BTBD10: variants seen among roughly 807,000 people sequenced by gnomAD.
BTBD10 encodes BTB domain containing 10, also known as BTB/POZ domain-containing protein 10.
BTBD10 carries 21 observed loss-of-function variants against 53.2 expected under a neutral mutation model. The ratio of observed to expected loss-of-function variants is 0.39; its 90% CI spans 0.28 to 0.57. The LOEUF is 0.57. Ranked by LOEUF, BTBD10 falls within the 20% of genes least tolerant of loss-of-function variation. BTBD10 has a pLI of 0.53. For missense variants in BTBD10, 360 were observed against 594.7 expected (o/e 0.61, Z 4.10); for synonymous variants, 149 against 192.7 (o/e 0.77, Z 1.88).
chr11:13,412,065 A>C (rs143305491), intron 6 of BTBD10, among the ~76,000 whole-genome samples: 1 of 151,962 alleles, frequency 6.6e-6, no homozygotes, highest in African/African-American at 2.4e-5. Context: ...TCCCGACCTC[A>C]GGTGATCCGA....
At chr11:13,453,938 G>C (rs1296585318) in intron 1 of BTBD10, among the ~76,000 whole-genome samples, 1 of 152,100 alleles carries the variant, frequency 6.6e-6, no homozygotes, top group African/African-American at 2.4e-5. Context: ...TGTAATCCCA[G>C]CTACTCAGGA....
At chr11:13,395,356 T>A (rs563727086) in intron 8 of BTBD10, among the ~76,000 whole-genome samples, 1 of 152,236 alleles carries the variant, frequency 6.6e-6, no homozygotes. Flanking sequence ...GAGAAGTGTC[T>A]GTTCATATCC....
intron 6 of BTBD10, among the ~76,000 whole-genome samples, chr11:13,406,945 A>T (rs1949846303): frequency 6.6e-6 from 1 of 152,038 alleles, no homozygotes. Context: ...CTCTCTCCCC[A>T]ACTTCTGAAC....
At chr11:13,430,469 T>G (rs1313964759) in intron 2 of BTBD10, among the ~76,000 whole-genome samples, 1 of 152,162 alleles carries the variant, frequency 6.6e-6, no homozygotes, top group East Asian at 1.9e-4. Context: ...GAGAAGAGAT[T>G]GTTTCTTAAG....
At chr11:13,423,795 G>A (rs1348094434) in intron 2 of BTBD10, among the ~76,000 whole-genome samples, 1 of 151,988 alleles carries the variant, frequency 6.6e-6, no homozygotes, top group African/African-American at 2.4e-5. Flanking sequence ...CAGAATACCA[G>A]GACAGAAGAT....
At chr11:13,404,024 G>GT (rs2135769213) in intron 7 of BTBD10, among the ~76,000 whole-genome samples, 1 of 151,944 alleles carries the variant, frequency 6.6e-6, no homozygotes, top group Admixed American at 6.5e-5. Flanking sequence ...AACTGCAAAG[G>GT]TTTTTTCAAA....
chr11:13,432,676 C>A (rs1950471405), intron 2 of BTBD10, among the ~76,000 whole-genome samples: 1 of 151,558 alleles, frequency 6.6e-6, no homozygotes, highest in African/African-American at 2.4e-5. Context: ...GACAGGAATG[C>A]TGCAATTTTA....
chr11:13,459,393 A>C (rs576747150), intron 1 of BTBD10, among the ~76,000 whole-genome samples: 75 of 152,176 alleles, frequency 4.9e-4, no homozygotes, highest in African/African-American at 1.6e-3. Flanking sequence ...ACTAGGTCTC[A>C]GTTTCAAGGA....
chr11:13,421,650 T>C lies in BTBD10; in HGVS notation c.290A>G (p.His97Arg). ...TAGTTGATTTTACATACCAACATGG[T>C]GCTGTCGTGTTGGAGAAGTCACATT... ...IRNVTSPTRQ[H>R]HVEREKDHSS... Residue 97 changes from histidine (H) to arginine (R), a missense_variant, in exon 3 of 9, where the codon CAC becomes CGC. His to Arg is a conservative substitution (Grantham distance 29, BLOSUM62 0). This residue lies in a region of BTBD10 where 109 missense variants were observed against 118.6 expected (regional missense o/e 0.92). Coordinates refer to ENST00000278174, the MANE Select transcript of BTBD10 (RefSeq NM_032320.7). 2 of 1,612,340 alleles carry C rather than the reference T, an allele frequency of 1.2e-6. No individual in the cohort carries two copies. The highest frequency in any genetic ancestry group is 2.2e-5 in the South Asian group (2 of 90,982).
At chr11:13,428,342 C>A (rs1039351345) in intron 2 of BTBD10, among the ~76,000 whole-genome samples, 1 of 152,014 alleles carries the variant, frequency 6.6e-6, no homozygotes, top group African/African-American at 2.4e-5. Flanking sequence ...GCTTCACTGA[C>A]AAATTCTACC....
intron 8 of BTBD10, among the ~76,000 whole-genome samples, chr11:13,394,211 C>T (rs1422581473): frequency 1.3e-5 from 2 of 152,286 alleles, no homozygotes; most frequent in East Asian, 1.9e-4. Flanking sequence ...TGGTTTGGCT[C>T]TGTGTTCCCA....
chr11:13,412,012 G>T (rs1211083794), intron 6 of BTBD10, among the ~76,000 whole-genome samples: 2 of 151,978 alleles, frequency 1.3e-5, no homozygotes, highest in Non-Finnish European at 1.5e-5. Flanking sequence ...TGTATTTTTA[G>T]TAGAGAAGAG....
At chr11:13,395,221 T>TTAAAA (rs960383290) in intron 8 of BTBD10, among the ~76,000 whole-genome samples, 13 of 151,668 alleles carry the variant, frequency 8.6e-5, no homozygotes, top group African/African-American at 3.1e-4. Flanking sequence ...CCTGACTTTT[T>TTAAAA]AATGATTGCC....
intron 2 of BTBD10, among the ~76,000 whole-genome samples, chr11:13,423,498 G>A (rs1289599192): frequency 6.6e-6 from 1 of 152,202 alleles, no homozygotes; most frequent in Non-Finnish European, 1.5e-5. Context: ...AGATGAGGAT[G>A]TTAAAGTTCA....
intron 1 of BTBD10, among the ~76,000 whole-genome samples, chr11:13,449,150 A>G (rs542718820): frequency 6.6e-6 from 1 of 152,202 alleles, no homozygotes; most frequent in East Asian, 1.9e-4. Flanking sequence ...AATCTTCAAG[A>G]CTATAGTAAC....
intron 8 of BTBD10, among the ~76,000 whole-genome samples, chr11:13,389,426 T>C (rs1036542626): frequency 8.9e-6 from 1 of 111,846 alleles, no homozygotes; most frequent in African/African-American, 3.1e-5. Flanking sequence ...GGTCTCTAGC[T>C]ATGTATCCTT....
chr11:13,402,343 T>C (rs954398983), intron 8 of BTBD10, among the ~76,000 whole-genome samples: 3 of 152,216 alleles, frequency 2.0e-5, no homozygotes, highest in Admixed American at 2.0e-4. Context: ...TACTAGGCAG[T>C]GTTTTAAGTG....
At chr11:13,411,088 C>A (rs1378426928) in intron 6 of BTBD10, among the ~76,000 whole-genome samples, 1 of 152,056 alleles carries the variant, frequency 6.6e-6, no homozygotes, top group Non-Finnish European at 1.5e-5. Context: ...GAGAGGACAA[C>A]CAGTGGAAGA....
intron 6 of BTBD10, among the ~76,000 whole-genome samples, chr11:13,407,084 TCTC>T (rs1031973011): frequency 1.3e-5 from 2 of 152,010 alleles, no homozygotes; most frequent in African/African-American, 4.8e-5. Flanking sequence ...CTCAGTTTAA[TCTC>T]CTACAATGGA....
Sources: allele counts gnomAD v4.1 joint callset (sites outside exome capture counted in the v4.1 genomes callset), GRCh38; gene constraint gnomAD v4.1.1; regional missense constraint gnomAD v4.1.1; transcripts MANE v1.5; gene names NCBI Gene and HGNC (gene_info 2026-07-23, HGNC 2026-07-21).